Variants in TVP23A observed in about 807,000 individuals in gnomAD.
The protein encoded by TVP23A is Golgi apparatus membrane protein TVP23 homolog A.
A neutral mutation model predicts 31.7 loss-of-function variants in TVP23A; 21 were observed. The observed-to-expected ratio is 0.66, with a 90% CI of 0.47 to 0.95. The LOEUF (loss-of-function observed/expected upper bound fraction) is 0.95. Among genes scored for constraint, TVP23A ranks in the 40% least tolerant of loss-of-function variants. The probability of loss-of-function intolerance (pLI) is 0.00; values close to 1 mark genes in which losing one functional copy is unlikely to be tolerated. For synonymous variants in TVP23A, 104 were observed against 96.0 expected (o/e 1.08, Z -0.49); for missense variants, 279 against 255.6 (o/e 1.09, Z -0.62).
intron 2 of TVP23A, among the ~76,000 whole-genome samples, chr16:10,792,218 C>G (rs2033144871): frequency 6.6e-6 from 1 of 152,220 alleles, no homozygotes; most frequent in Non-Finnish European, 1.5e-5. Flanking sequence ...CTTCTAAACT[C>G]ATTCCTTATG....
chr16:10,796,632 G>T (rs1266351696), intron 2 of TVP23A, among the ~76,000 whole-genome samples: 2 of 151,972 alleles, frequency 1.3e-5, no homozygotes, highest in Admixed American at 1.3e-4. Flanking sequence ...TAGAGACAGG[G>T]TTTCACCGTG....
At chr16:10,761,945 G>A, downstream of TVP23A, 1 of 1,033,554 alleles carries the variant, frequency 9.7e-7, no homozygotes. Flanking sequence ...CGGCTACAGA[G>A]AGGGGCAATG....
In TVP23A at chr16:10,788,282, T is replaced by G. The variant is rs201652332; in HGVS notation, c.90-13186A>C. 1.6e-3 allele frequency among the ~76,000 whole-genome samples: 231 copies of G among 146,434 alleles called. 2 individuals are homozygous for G. Among genetic ancestry groups the G allele is most frequent in the African/African-American group, 5.9e-3 (215 of 36,342 alleles). ...GGGGTTGTGAGCAAGGTTTTTTTTT[T>G]GTTTTTTTTTGAGATGGAGTCTTGC... On this transcript the variant is annotated intron_variant, in intron 2 of 7. Transcript: ENST00000299866.
intron 2 of TVP23A, among the ~76,000 whole-genome samples, chr16:10,812,001 G>T (rs2034227231): frequency 6.7e-6 from 1 of 148,626 alleles, no homozygotes; most frequent in African/African-American, 2.5e-5. Flanking sequence ...AGAATGAAAA[G>T]GCAGCCTATA....
At chr16:10,758,163 C>T (rs781201961), downstream of TVP23A, 53 of 970,972 alleles carry the variant, frequency 5.5e-5, no homozygotes, top group Non-Finnish European at 7.2e-5. Flanking sequence ...TGATGTGGGT[C>T]TGCAGAAACC....
intron 2 of TVP23A, among the ~76,000 whole-genome samples, chr16:10,796,038 CA>C (rs1050788980): frequency 1.8e-4 from 27 of 151,046 alleles, no homozygotes; most frequent in Admixed American, 1.5e-3. Flanking sequence ...GCCTGCAAAG[CA>C]AAAAAAATAA....
chr16:10,793,952 G>A (rs538068901), intron 2 of TVP23A, among the ~76,000 whole-genome samples: 1 of 148,464 alleles, frequency 6.7e-6, no homozygotes, highest in East Asian at 2.0e-4. Flanking sequence ...CACAGTTCTG[G>A]AGGCTGGCAA....
rs35848081 is a variant in TVP23A, at chr16:10,768,308, T to TAA, written c.*792_*793dup. On this transcript the variant is annotated 3_prime_UTR_variant, in exon 8 of 8. Transcript: ENST00000299866. The surrounding 1 kb of genome is among the most constrained non-coding windows in gnomAD (Gnocchi z 4.3). Reference sequence around the variant, plus strand: ...GTAATTCATTTTTAAAAGTAACTGATAAAAAAAAAAAAGGCCAGGTGCAGT... The same window carrying TAA: ...GTAATTCATTTTTAAAAGTAACTGATAAAAAAAAAAAAAAGGCCAGGTGCAGT... 83 of 175,566 alleles carry TAA rather than the reference T, an allele frequency of 4.7e-4. No individual in the cohort carries two copies. The highest frequency in any genetic ancestry group is 2.2e-3 in the South Asian group (17 of 7,870). The allele number at this position is 175,566 out of a possible 1,614,324, so 10.9% of individuals were successfully genotyped here.
chr16:10,790,283 T>A (rs1213211415), intron 2 of TVP23A, among the ~76,000 whole-genome samples: 13 of 134,812 alleles, frequency 9.6e-5, no homozygotes, highest in African/African-American at 3.8e-4. Flanking sequence ...GGTAAAATTT[T>A]TTTTTTTTTT....
At chr16:10,792,597 A>G (rs2033164374) in intron 2 of TVP23A, among the ~76,000 whole-genome samples, 1 of 152,264 alleles carries the variant, frequency 6.6e-6, no homozygotes, top group Non-Finnish European at 1.5e-5. Context: ...GCAACAAAGC[A>G]GAAAGGACTT....
intron 2 of TVP23A, among the ~76,000 whole-genome samples, chr16:10,802,031 T>A (rs11865284): frequency 3.3e-5 from 5 of 151,208 alleles, no homozygotes; most frequent in Admixed American, 3.3e-4. Flanking sequence ...AAAGTGCACA[T>A]TGAAGTATTT....
At position 10,803,245 on chromosome 16, in the gene TVP23A, C is replaced by CTGTGTGTGTGTGTGTGTGTGTGTG. The variant is rs3040297; in HGVS notation, c.89+14834_89+14857dup. Among the ~76,000 whole-genome samples, 198 of 135,458 alleles carry CTGTGTGTGTGTGTGTGTGTGTGTG rather than the reference C, an allele frequency of 1.5e-3. 2 individuals are homozygous for CTGTGTGTGTGTGTGTGTGTGTGTG. Among genetic ancestry groups the CTGTGTGTGTGTGTGTGTGTGTGTG allele is most frequent in the African/African-American group, 3.4e-3 (117 of 34,484 alleles). 88.9% of individuals were successfully genotyped at this position (135,458 alleles called of 152,430 possible). On this transcript the variant is annotated intron_variant, in intron 2 of 7. Coordinates refer to ENST00000299866, the MANE Select transcript of TVP23A (RefSeq NM_001079512.4). ...GTTGCAGTGAGCCGAGATCGCGCCA[C>CTGTGTGTGTGTGTGTGTGTGTGTG]TGTGTGTGTGTGTGTGTGTGTGTGT...
In TVP23A at chr16:10,771,697, A is replaced by T; in HGVS notation, c.555T>A (p.Ser185Arg). The T allele has an allele frequency of 1.2e-6, 2 of 1,613,814 alleles. No homozygotes were observed. Among genetic ancestry groups the T allele is most frequent in the Non-Finnish European group, 1.7e-6 (2 of 1,179,856 alleles). ...TCTGGAACACTGTCTGGGACAGGAA[A>T]CTGGCTGTGACCTTGCCAATGTCAC... ...GNSDIGKVTA[S>R]FLSQTVFQTA... Residue 185 changes from serine to arginine, a missense_variant, in exon 6 of 8, where the codon AGT becomes AGA. Ser to Arg is a moderately radical substitution (Grantham distance 110). Coordinates refer to ENST00000299866, the MANE Select transcript of TVP23A (RefSeq NM_001079512.4).
intron 2 of TVP23A, 99 bp from the exon 3 acceptor site, chr16:10,775,195 G>A: frequency 2.7e-6 from 4 of 1,492,588 alleles, no homozygotes; most frequent in Non-Finnish European, 3.6e-6. Context: ...TGTTAGCGTG[G>A]CTCAATGGAA....
Position 10,777,879 on chromosome 16 carries a change from T to C in TVP23A, c.90-2783A>G, listed in dbSNP as rs974307335. Among the ~76,000 whole-genome samples, 12 of 151,674 alleles carry C rather than the reference T, an allele frequency of 7.9e-5. No individual in the cohort carries two copies. Among genetic ancestry groups the C allele is most frequent in the South Asian group, 2.1e-4 (1 of 4,778 alleles). ...TACAAAAATTAGCTGAGCGTGGTGG[T>C]GGGCGCCTGTAGTCCCAGCTACTCG... On this transcript the variant is annotated intron_variant, in intron 2 of 7. Transcript: ENST00000299866. The surrounding 1 kb of genome is among the most constrained non-coding windows in gnomAD (Gnocchi z 4.5).
Position 10,767,993 on chromosome 16 carries a change from G to C in TVP23A, c.*1109C>G. ...CCAGTCTTTTTTCATTGACGCCCCA[G>C]ATTCCCCAGCCACGTTAGCCTACAG... is the stretch of plus-strand genomic sequence containing the variant. On this transcript the variant is annotated 3_prime_UTR_variant, in exon 8 of 8. Coordinates refer to ENST00000299866, the MANE Select transcript of TVP23A (RefSeq NM_001079512.4). This position sits in a 1 kb window ranked among gnomAD's most constrained non-coding sequence, Gnocchi z 4.6. 6.2e-7 allele frequency: 1 copy of C among 1,614,102 alleles called. No homozygotes were observed. The highest frequency in any genetic ancestry group is 8.5e-7 in the Non-Finnish European group (1 of 1,180,026).
At chr16:10,784,506 A>T (rs2032621964) in intron 2 of TVP23A, among the ~76,000 whole-genome samples, 1 of 151,962 alleles carries the variant, frequency 6.6e-6, no homozygotes, top group Admixed American at 6.6e-5. Context: ...GGTTGCAGTG[A>T]TCCGAGATCA....
chr16:10,806,890 G>A (rs2033971440), intron 2 of TVP23A, among the ~76,000 whole-genome samples: 1 of 152,200 alleles, frequency 6.6e-6, no homozygotes, highest in African/African-American at 2.4e-5. Flanking sequence ...TGCCTTAGAT[G>A]TAAGGAGTTA....
chr16:10,785,202 C>T (rs1308020227), intron 2 of TVP23A, among the ~76,000 whole-genome samples: 2 of 151,960 alleles, frequency 1.3e-5, no homozygotes, highest in African/African-American at 4.8e-5. Flanking sequence ...GTCAGGAGCT[C>T]ACGACCAGCC....
Sources: allele counts gnomAD v4.1 joint callset (sites outside exome capture counted in the v4.1 genomes callset), GRCh38; gene constraint gnomAD v4.1.1; non-coding constraint Gnocchi (gnomAD v3.1); transcripts MANE v1.5; gene names NCBI Gene and HGNC (gene_info 2026-07-23, HGNC 2026-07-21).